Variants in BTNL3 observed in about 807,000 individuals in gnomAD.
The protein encoded by BTNL3 is butyrophilin-like protein 3.
In BTNL3, 20 loss-of-function variants were observed where a neutral mutation model predicts 40.1. That is an observed-to-expected ratio of 0.50 (90% CI 0.35 to 0.72). The LOEUF (loss-of-function observed/expected upper bound fraction) is 0.72, where lower values mean the gene tolerates loss of function less well. Ranked by LOEUF, BTNL3 falls within the 30% of genes least tolerant of loss-of-function variation. The pLI, the probability that BTNL3 is intolerant of heterozygous loss-of-function variation, is 0.01. For synonymous variants in BTNL3, 179 were observed against 222.1 expected (o/e 0.81, Z 1.73); for missense variants, 449 against 582.2 (o/e 0.77, Z 2.35).
At chr5:180,999,732 A>G (rs1422266962) in intron 3 of BTNL3, among the ~76,000 whole-genome samples, 1 of 136,738 alleles carries the variant, frequency 7.3e-6, no homozygotes, top group Non-Finnish European at 1.7e-5. Context: ...TCCAGGAGAC[A>G]GAGATTGCAG....
At position 180,995,652 on chromosome 5, in the gene BTNL3, G is replaced by A. The variant is rs528652825; in HGVS notation, c.398-1561G>A. ...AGAGAGGTGATCATCTGGCATAGTG[G>A]GAAAAAGTACTCTTCCCCTGGTCTC... is the stretch of plus-strand genomic sequence containing the variant. On this transcript the variant is annotated intron_variant, in intron 2 of 7. Transcript: ENST00000342868. Among the ~76,000 whole-genome samples, 31 of 136,338 alleles carry A rather than the reference G, an allele frequency of 2.3e-4. 4 individuals are homozygous for A. Among genetic ancestry groups the A allele is most frequent in the African/African-American group, 7.5e-4 (30 of 39,748 alleles). The allele number at this position is 136,338 out of a possible 152,430, so 89.4% of individuals were successfully genotyped here. A position where few individuals can be genotyped will look rare whatever the true frequency, so the allele number is the denominator to read the frequency against.
chr5:181,005,833 G>T lies in BTNL3; in HGVS notation c.1362G>T (p.Lys454Asn). Residue 454 changes from lysine (K) to asparagine (N), a missense_variant, in exon 8 of 8, where the codon AAG becomes AAT. Physicochemically the swap from Lys to Asn is moderately conservative, Grantham distance 94. Transcript: ENST00000342868. ...AGCATGCGATGTATGACGAGGAAAAGGGGACTCCCATATTCATATGTCCAG... is the reference window on the plus strand; with the variant it reads ...AGCATGCGATGTATGACGAGGAAAATGGGACTCCCATATTCATATGTCCAG... ...YIQHAMYDEE[K>N]GTPIFICPVS... is the part of the protein sequence containing the mutation. 1 of 1,613,162 alleles carries T rather than the reference G, an allele frequency of 6.2e-7. No individual in the cohort carries two copies. Among genetic ancestry groups the T allele is most frequent in the South Asian group, 1.1e-5 (1 of 90,944 alleles).
intron 3 of BTNL3, 143 bp from the exon 4 acceptor site, chr5:181,002,529 T>C: frequency 2.0e-6 from 1 of 503,228 alleles, no homozygotes; most frequent in Non-Finnish European, 3.0e-6. Flanking sequence ...ATCAAGATGT[T>C]TATAGAAATG....
chr5:181,005,931 G>T lies in BTNL3; in HGVS notation c.*59G>T. On this transcript the variant is annotated 3_prime_UTR_variant, in exon 8 of 8. Transcript: ENST00000342868. ...CACAGACCCAGACACAGCCAAGGGA[G>T]AGTGCTCCCGACAGGTGGCCCCAGC... 8 of 1,490,662 alleles carry T rather than the reference G, an allele frequency of 5.4e-6. 1 individual carries two copies. The highest frequency in any genetic ancestry group is 1.9e-4 in the Middle Eastern group (1 of 5,382). The allele number at this position is 1,490,662 out of a possible 1,614,324, so 92.3% of individuals were successfully genotyped here. A position where few individuals can be genotyped will look rare whatever the true frequency, so the allele number is the denominator to read the frequency against.
rs187357976 is a variant in BTNL3, at chr5:180,998,399, C to T, written c.673+911C>T. Among the ~76,000 whole-genome samples the T allele has an allele frequency of 1.2e-3, 163 of 136,184 alleles. 37 individuals carry two copies. The highest frequency in any genetic ancestry group is 2.3e-3 in the Non-Finnish European group (139 of 59,676). 89.3% of individuals were successfully genotyped at this position (136,184 alleles called of 152,430 possible). On this transcript the variant is annotated intron_variant, in intron 3 of 7. Transcript: ENST00000342868. ...AACAGAAATAAGAAAAAAGGTCATA[C>T]TTCGAGTTCTAAAATTGATTAAATA... is the stretch of plus-strand genomic sequence containing the variant.
Position 181,002,775 on chromosome 5 carries a change from C to G in BTNL3, c.777C>G (p.Phe259Leu), listed in dbSNP as rs1384409506. The G allele has an allele frequency of 6.9e-7, 1 of 1,451,266 alleles. No individual in the cohort carries two copies. The highest frequency in any genetic ancestry group is 9.5e-7 in the Non-Finnish European group (1 of 1,051,924). 89.9% of individuals were successfully genotyped at this position (1,451,266 alleles called of 1,614,324 possible). ...TCATGGGGATGATAATTGTTTTCTT[C>G]AAATCCAAAGGTAAGTGAGAGAGAG... ...GVVMGMIIVF[F>L]KSKGKIQAEL... The change falls in exon 4 of 8, where the codon TTC becomes TTG. Residue 259 changes from phenylalanine (F) to leucine (L), a missense_variant. Physicochemically the swap from Phe to Leu is conservative, Grantham distance 22. Transcript: ENST00000342868.
At chr5:180,998,224 T>C (rs1460101152) in intron 3 of BTNL3, among the ~76,000 whole-genome samples, 1 of 136,544 alleles carries the variant, frequency 7.3e-6, no homozygotes, top group Non-Finnish European at 1.7e-5. Flanking sequence ...TGAACAGATA[T>C]ATTAGTGTCA....
In BTNL3 at chr5:181,005,435, G is replaced by A; in HGVS notation, c.964G>A (p.Glu322Lys). The stretch of plus-strand genomic sequence containing the variant: ...AGCTCCCCAGGAGGTGCCTCACTCT[G>A]AGAAGAGATTTACAAGGAAGAGTGT... Reference protein sequence around the residue: ...RKAPQEVPHSEKRFTRKSVVA... With the variant: ...RKAPQEVPHSKKRFTRKSVVA... Residue 322 changes from glutamate (E) to lysine (K), a missense_variant, in exon 8 of 8, where the codon GAG becomes AAG. By Grantham distance (56) the Glu-to-Lys change is moderately conservative. Coordinates refer to ENST00000342868, the MANE Select transcript of BTNL3 (RefSeq NM_197975.3). The A allele has an allele frequency of 6.2e-7, 1 of 1,614,118 alleles. No individual in the cohort carries two copies. The highest frequency in any genetic ancestry group is 8.5e-7 in the Non-Finnish European group (1 of 1,180,024).
chr5:180,999,074 C>T (rs567271343), intron 3 of BTNL3, among the ~76,000 whole-genome samples: 2 of 136,490 alleles, frequency 1.5e-5, no homozygotes, highest in East Asian at 4.3e-4. Context: ...TTGCGGTGAG[C>T]CGAGATCATG....
At chr5:181,004,072 G>A (rs1253429913) in intron 5 of BTNL3, 196 bp downstream of exon 5, 2 of 1,482,494 alleles carry the variant, frequency 1.3e-6, no homozygotes, top group Admixed American at 4.2e-5. Flanking sequence ...GATAGGCCCC[G>A]GGGCCTGGAA....
chr5:180,997,866 G>A (rs1460762078), intron 3 of BTNL3, among the ~76,000 whole-genome samples: 2 of 136,356 alleles, frequency 1.5e-5, no homozygotes, highest in Non-Finnish European at 3.3e-5. Flanking sequence ...ATTTCAGAAA[G>A]GATTTACAAA....
chr5:180,996,346 G>A, intron 2 of BTNL3, among the ~76,000 whole-genome samples: 1 of 135,608 alleles, frequency 7.4e-6, no homozygotes, highest in East Asian at 2.2e-4. Flanking sequence ...TTGCATGGCG[G>A]GTCACTCTCC....
Position 181,006,119 on chromosome 5 carries a change from G to A in BTNL3, c.*247G>A. On this transcript the variant is annotated 3_prime_UTR_variant, in exon 8 of 8. Transcript: ENST00000342868. ...TCAGAAGCCATGGCTGCCCTGAAGTGGGGACGGAATAGACTCACATTAGGT... is the reference window on the plus strand; with the variant it reads ...TCAGAAGCCATGGCTGCCCTGAAGTAGGGACGGAATAGACTCACATTAGGT... The A allele has an allele frequency of 2.0e-6, 1 of 492,428 alleles. No individual in the cohort carries two copies. Among genetic ancestry groups the A allele is most frequent in the Non-Finnish European group, 3.5e-6 (1 of 283,266 alleles). 30.5% of individuals were successfully genotyped at this position (492,428 alleles called of 1,614,324 possible).
At chr5:181,003,648 C>G (rs977324560) in intron 4 of BTNL3, among the ~76,000 whole-genome samples, 1 of 147,994 alleles carries the variant, frequency 6.8e-6, no homozygotes, top group African/African-American at 2.4e-5. Flanking sequence ...TGTTGTCCCT[C>G]TCCTTAGCAT....
chr5:180,996,066 C>A lies in BTNL3; in HGVS notation c.398-1147C>A, dbSNP rs1760032131. ...TTAGGCTCCATGCACTGATCCAGAC[C>A]CTAGGGAATGACAGAGTACAACACT... On this transcript the variant is annotated intron_variant, in intron 2 of 7. Coordinates refer to ENST00000342868, the MANE Select transcript of BTNL3 (RefSeq NM_197975.3). Among the ~76,000 whole-genome samples the A allele has an allele frequency of 1.5e-5, 2 of 135,894 alleles. 1 individual carries two copies. The highest frequency in any genetic ancestry group is 1.6e-4 in the Admixed American group (2 of 12,850). 89.2% of individuals were successfully genotyped at this position (135,894 alleles called of 152,430 possible). A position where few individuals can be genotyped will look rare whatever the true frequency, so the allele number is the denominator to read the frequency against.
At position 180,993,168 on chromosome 5, in the gene BTNL3, GTTTA is replaced by G. The variant is rs780379355; in HGVS notation, c.397+14_397+17del. 292 of 1,424,194 alleles carry G rather than the reference GTTTA, an allele frequency of 2.1e-4. 58 individuals are homozygous for G. The Admixed American group carries it at 4.9e-3, about 24-fold the overall frequency. The allele number at this position is 1,424,194 out of a possible 1,614,324, so 88.2% of individuals were successfully genotyped here. On this transcript the variant is annotated intron_variant, in intron 2 of 7. Transcript: ENST00000342868. The stretch of plus-strand genomic sequence containing the variant: ...GGGAGCTGCGGGTGGCAGGTCAGTT[GTTTA>G]TTTATGACTGAGTTGTCTTGTAAAG...
At position 181,001,528 on chromosome 5, in the gene BTNL3, A is replaced by T. The variant is rs1344838448; in HGVS notation, c.674-1144A>T. Among the ~76,000 whole-genome samples, 13 of 130,806 alleles carry T rather than the reference A, an allele frequency of 9.9e-5. 2 individuals carry two copies. Among genetic ancestry groups the T allele is most frequent in the Admixed American group, 6.6e-4 (8 of 12,070 alleles). The allele number at this position is 130,806 out of a possible 152,430, so 85.8% of individuals were successfully genotyped here. On this transcript the variant is annotated intron_variant, in intron 3 of 7. Transcript: ENST00000342868. ...GGGGGGGTCTCACTTTGTTGCCTAGACTGGTCTCGAACTCCTGTCCTTAAG... is the reference window on the plus strand; with the variant it reads ...GGGGGGGTCTCACTTTGTTGCCTAGTCTGGTCTCGAACTCCTGTCCTTAAG...
intron 3 of BTNL3, among the ~76,000 whole-genome samples, chr5:180,998,499 A>G (rs1244210297): frequency 7.3e-6 from 1 of 136,842 alleles, no homozygotes; most frequent in African/African-American, 2.5e-5. Context: ...ATTTTTGGAG[A>G]TGGCACTCCA....
Position 181,005,326 on chromosome 5 carries a change from C to G in BTNL3, c.863-8C>G, listed in dbSNP as rs566757118. The stretch of plus-strand genomic sequence containing the variant: ...CTCATGCTTCCTCTCTCCCCCACCG[C>G]ACCCCAGTGGAGGTGACTCTGGATC... On this transcript the variant is annotated splice_polypyrimidine_tract_variant and splice_region_variant and intron_variant, in intron 7 of 7. Transcript: ENST00000342868. The G allele has an allele frequency of 1.1e-5, 17 of 1,609,436 alleles. No individual in the cohort carries two copies. The highest frequency in any genetic ancestry group is 1.4e-5 in the Non-Finnish European group (16 of 1,178,004).
Sources: allele counts gnomAD v4.1 joint callset (sites outside exome capture counted in the v4.1 genomes callset), GRCh38; gene constraint gnomAD v4.1.1; transcripts MANE v1.5; gene names NCBI Gene and HGNC (gene_info 2026-07-23, HGNC 2026-07-21).